YWHAQ: variants seen among roughly 807,000 people sequenced by gnomAD.
YWHAQ encodes the protein 14-3-3 protein theta.
YWHAQ carries 6 observed loss-of-function variants against 28.3 expected under a neutral mutation model. That is an observed-to-expected ratio of 0.21 (90% confidence interval 0.12 to 0.42). The LOEUF is 0.42. Ranked by LOEUF, YWHAQ falls within the 10% of genes least tolerant of loss-of-function variation. The pLI, the probability that YWHAQ is intolerant of heterozygous loss-of-function variation, is 1.00. For synonymous variants in YWHAQ, 143 were observed against 119.1 expected (o/e 1.20, Z -1.31); for missense variants, 201 against 305.6 (o/e 0.66, Z 2.55).
At chr2:9,608,878 T>C (rs1035718539) in intron 2 of YWHAQ, among the ~76,000 whole-genome samples, 5 of 152,216 alleles carry the variant, frequency 3.3e-5, no homozygotes, top group Non-Finnish European at 7.4e-5. Context: ...AGGTACAGGT[T>C]TGCAGTGAGC....
At chr2:9,597,649 A>G (rs1006958524) in intron 2 of YWHAQ, among the ~76,000 whole-genome samples, 21 of 149,132 alleles carry the variant, frequency 1.4e-4, no homozygotes, top group South Asian at 1.0e-3. Flanking sequence ...AAAAAAAAAA[A>G]AAAAGAAAAA....
rs776796788 is a variant in YWHAQ, at chr2:9,588,169, T to C, written c.578A>G (p.Lys193Arg). The C allele has an allele frequency of 6.4e-7, 1 of 1,555,676 alleles. No homozygotes were observed. Among genetic ancestry groups the C allele is most frequent in the Non-Finnish European group, 8.6e-7 (1 of 1,160,348 alleles). The change falls in exon 4 of 6, where the codon AAA becomes AGA. Residue 193 changes from lysine to arginine, a missense_variant. Lys to Arg is a conservative substitution (Grantham distance 26, BLOSUM62 2). Around this residue, in one of 2 missense-constraint regions of YWHAQ, gnomAD observed 39 missense variants for 91.7 expected, o/e 0.43. Coordinates refer to ENST00000238081, the MANE Select transcript of YWHAQ (RefSeq NM_006826.4). ...TTTCCTGGACACACATCTTACCGTT[T>C]TAGCCAGCGTGCAGGCAAGCTCTGG... The part of the protein sequence containing the change: ...NNPELACTLA[K>R]TAFDEAIAEL...
At chr2:9,591,343 AT>A in intron 3 of YWHAQ, 48 bp downstream of exon 3, 1 of 1,583,638 alleles carries the variant, frequency 6.3e-7, no homozygotes, top group Non-Finnish European at 8.6e-7. Context: ...ATTTATCCCC[AT>A]TTCTTTTTTT....
intron 2 of YWHAQ, among the ~76,000 whole-genome samples, chr2:9,610,365 T>G (rs1969439): frequency 6.6e-6 from 1 of 152,216 alleles, no homozygotes; most frequent in Non-Finnish European, 1.5e-5. Flanking sequence ...AGGGTTGTTG[T>G]GAAGATTAAA....
chr2:9,622,002 CAAG>C (rs1171892867), intron 2 of YWHAQ, among the ~76,000 whole-genome samples: 1 of 152,126 alleles, frequency 6.6e-6, no homozygotes, highest in African/African-American at 2.4e-5. Context: ...CACATGGACA[CAAG>C]GAGGGGAACA....
intron 4 of YWHAQ, 100 bp downstream of exon 4, chr2:9,588,065 A>AATC: frequency 7.3e-7 from 1 of 1,373,000 alleles, no homozygotes; most frequent in Non-Finnish European, 9.7e-7. Context: ...ATATAGTAGA[A>AATC]ATCATCCCTG....
At chr2:9,598,308 C>A (rs1394641740) in intron 2 of YWHAQ, among the ~76,000 whole-genome samples, 2 of 152,278 alleles carry the variant, frequency 1.3e-5, no homozygotes, top group Non-Finnish European at 2.9e-5. Flanking sequence ...ACCTCTACAA[C>A]CACATTTTAA....
At chr2:9,592,999 T>C (rs1310864136) in intron 2 of YWHAQ, among the ~76,000 whole-genome samples, 3 of 152,146 alleles carry the variant, frequency 2.0e-5, no homozygotes, top group East Asian at 3.8e-4. Flanking sequence ...AAGATCCTTT[T>C]TACATTTTGG....
intron 2 of YWHAQ, among the ~76,000 whole-genome samples, chr2:9,620,288 C>A (rs1308198776): frequency 6.6e-6 from 1 of 152,194 alleles, no homozygotes; most frequent in African/African-American, 2.4e-5. Context: ...TAGTACCACA[C>A]TGTGCCAAAC....
chr2:9,601,722 T>C (rs761739363), intron 2 of YWHAQ, among the ~76,000 whole-genome samples: 2 of 152,098 alleles, frequency 1.3e-5, no homozygotes, highest in African/African-American at 2.4e-5. Flanking sequence ...CTTAGCTCAT[T>C]GCAACCTCTG....
rs917812194 is a variant in YWHAQ at position 9,588,155 on chromosome 2, C to T, written c.582+10G>A. 6.5e-7 allele frequency: 1 copy of T among 1,529,874 alleles called. No homozygotes were observed. The highest frequency in any genetic ancestry group is 1.4e-5 in the African/African-American group (1 of 69,564). The allele number at this position is 1,529,874 out of a possible 1,614,324, so 94.8% of individuals were successfully genotyped here. ...AGCTAAAGTACGTATTTCCTGGACA[C>T]ACATCTTACCGTTTTAGCCAGCGTG... On this transcript the variant is annotated intron_variant, in intron 4 of 5. Transcript: ENST00000238081.
chr2:9,610,987 C>A (rs1196840406), intron 2 of YWHAQ, among the ~76,000 whole-genome samples: 1 of 152,144 alleles, frequency 6.6e-6, no homozygotes, highest in East Asian at 1.9e-4. Context: ...ACCCAAGCCC[C>A]TGGAAGTAGT....
At chr2:9,621,757 A>G (rs560678785) in intron 2 of YWHAQ, among the ~76,000 whole-genome samples, 1 of 152,340 alleles carries the variant, frequency 6.6e-6, no homozygotes, top group South Asian at 2.1e-4. Flanking sequence ...TTGCAGCACT[A>G]TTCACAATAG....
chr2:9,629,016 A>G (rs1573009975), intron 2 of YWHAQ: 1 of 96,150 alleles, frequency 1.0e-5, no homozygotes, highest in Admixed American at 1.4e-4. Flanking sequence ...TGGGGAACAT[A>G]TTCCCTGCCC....
chr2:9,627,418 C>T (rs983886768), intron 2 of YWHAQ, among the ~76,000 whole-genome samples: 2 of 152,232 alleles, frequency 1.3e-5, no homozygotes, highest in African/African-American at 4.8e-5. Context: ...TTAGGTGTTA[C>T]TCTACTTTCC....
intron 2 of YWHAQ, among the ~76,000 whole-genome samples, chr2:9,595,231 C>G (rs1441118240): frequency 1.3e-5 from 2 of 152,214 alleles, no homozygotes; most frequent in Non-Finnish European, 2.9e-5. Flanking sequence ...ATAATGGAGT[C>G]TGCTTCATGT....
At chr2:9,625,833 T>C (rs906333929) in intron 2 of YWHAQ, among the ~76,000 whole-genome samples, 4 of 152,172 alleles carry the variant, frequency 2.6e-5, no homozygotes, top group African/African-American at 9.7e-5. Flanking sequence ...TCTGAGGGAT[T>C]AAGAAATTTG....
At chr2:9,624,438 G>C (rs1163139281) in intron 2 of YWHAQ, among the ~76,000 whole-genome samples, 1 of 152,102 alleles carries the variant, frequency 6.6e-6, no homozygotes, top group African/African-American at 2.4e-5. Context: ...CCAAAGGACA[G>C]CATGACACAA....
At chr2:9,607,405 C>T (rs143473606) in intron 2 of YWHAQ, among the ~76,000 whole-genome samples, 1 of 150,222 alleles carries the variant, frequency 6.7e-6, no homozygotes, top group East Asian at 2.0e-4. Context: ...GACTGAATTT[C>T]ACCATGCTGG....
Sources: allele counts gnomAD v4.1 joint callset (sites outside exome capture counted in the v4.1 genomes callset), GRCh38; gene constraint gnomAD v4.1.1; regional missense constraint gnomAD v4.1.1; transcripts MANE v1.5; gene names NCBI Gene and HGNC (gene_info 2026-07-23, HGNC 2026-07-21).